VOPP1: variants seen among roughly 807,000 people sequenced by gnomAD.
VOPP1 encodes the protein WW domain binding protein VOPP1.
VOPP1 carries 8 observed loss-of-function variants against 23.5 expected under a neutral mutation model. The ratio of observed to expected loss-of-function variants is 0.34; its 90% confidence interval spans 0.20 to 0.61. VOPP1 has a LOEUF of 0.61. Among genes scored for constraint, VOPP1 ranks in the 20% least tolerant of loss-of-function variants. The probability of loss-of-function intolerance (pLI) is 0.78; values close to 1 mark genes in which losing one functional copy is unlikely to be tolerated. For missense variants in VOPP1, 174 were observed against 238.1 expected (o/e 0.73, Z 1.77); for synonymous variants, 83 against 97.3 (o/e 0.85, Z 0.86).
chr7:55,463,039 T>C (rs1268676927), intron 4 of VOPP1, among the ~76,000 whole-genome samples: 2 of 152,210 alleles, frequency 1.3e-5, no homozygotes, highest in Non-Finnish European at 2.9e-5. Context: ...CTGATTTCTC[T>C]GTATTATTAT....
chr7:55,564,408 A>C (rs1798095498), intron 1 of VOPP1, among the ~76,000 whole-genome samples: 1 of 152,070 alleles, frequency 6.6e-6, no homozygotes, highest in Non-Finnish European at 1.5e-5. Context: ...AGGCCAACTA[A>C]AGAGCTAAAG....
intron 4 of VOPP1, among the ~76,000 whole-genome samples, chr7:55,478,059 G>C (rs942034775): frequency 6.6e-6 from 1 of 152,208 alleles, no homozygotes; most frequent in Non-Finnish European, 1.5e-5. Flanking sequence ...GCAACCGAGA[G>C]AAGGTGGACC....
intron 4 of VOPP1, among the ~76,000 whole-genome samples, chr7:55,448,130 T>C (rs141791757): frequency 1.8e-4 from 28 of 152,300 alleles, no homozygotes; most frequent in African/African-American, 6.0e-4. Flanking sequence ...CCCTAAAATA[T>C]GTACATATAC....
chr7:55,464,612 G>C (rs192281321), intron 4 of VOPP1, among the ~76,000 whole-genome samples: 1 of 152,188 alleles, frequency 6.6e-6, no homozygotes, highest in African/African-American at 2.4e-5. Flanking sequence ...CTGCAGCATA[G>C]AATACTGTAT....
Position 55,501,934 on chromosome 7 carries a change from C to T in VOPP1, c.114-4244G>A, listed in dbSNP as rs561512018. ...AACAGCTCTTATATCTGTGCTCTAG[C>T]TCTGAGCACAGCCAATGCTTAAGAG... On this transcript the variant is annotated intron_variant, in intron 2 of 4. Transcript: ENST00000285279. Among the ~76,000 whole-genome samples the T allele has an allele frequency of 9.2e-5, 14 of 152,350 alleles. No homozygotes were observed. The South Asian group carries it at 2.9e-3, about 32-fold the overall frequency.
intron 4 of VOPP1, 100 bp downstream of exon 4, chr7:55,492,182 G>A (rs62457893): frequency 0.18 from 257,165 of 1,425,330 alleles, 24,278 homozygotes; most frequent in Middle Eastern, 0.23. Flanking sequence ...ACACCTGAGC[G>A]CTCTCTTCTG....
At chr7:55,462,983 A>C (rs1203715689) in intron 4 of VOPP1, among the ~76,000 whole-genome samples, 1 of 152,012 alleles carries the variant, frequency 6.6e-6, no homozygotes, top group African/African-American at 2.4e-5. Context: ...TTTCTTTATG[A>C]TATCTATCTC....
chr7:55,525,806 A>C (rs1796156649), intron 1 of VOPP1, among the ~76,000 whole-genome samples: 1 of 151,892 alleles, frequency 6.6e-6, no homozygotes, highest in Non-Finnish European at 1.5e-5. Context: ...AAAAAAAAAA[A>C]AAAAAAAAAA....
At chr7:55,446,195 A>C (rs815948) in intron 4 of VOPP1, among the ~76,000 whole-genome samples, 3 of 151,766 alleles carry the variant, frequency 2.0e-5, no homozygotes, top group Non-Finnish European at 4.4e-5. Context: ...GGGTTTCACC[A>C]TGTTAGCCAG....
At chr7:55,527,664 A>T (rs1796267198) in intron 1 of VOPP1, among the ~76,000 whole-genome samples, 1 of 152,212 alleles carries the variant, frequency 6.6e-6, no homozygotes, top group South Asian at 2.1e-4. Context: ...ATTAATCAGT[A>T]ACCAAACTTA....
chr7:55,457,545 C>T (rs117193152), intron 4 of VOPP1, among the ~76,000 whole-genome samples: 1,828 of 152,070 alleles, frequency 0.012, 13 homozygotes, highest in Admixed American at 0.021. Flanking sequence ...ATACTGTTTT[C>T]CATAATGACT....
chr7:55,456,587 G>C lies in VOPP1; in HGVS notation n.418-20413C>G, dbSNP rs916938379. 2.0e-5 allele frequency among the ~76,000 whole-genome samples: 3 copies of C among 152,134 alleles called. No homozygotes were observed. The East Asian group carries it at 5.8e-4, about 29-fold the overall frequency. ...TGGTAGACTGGATAAAGAAAATGTGGCACATATACACCATGTAATACTATG... is the reference window on the plus strand; with the variant it reads ...TGGTAGACTGGATAAAGAAAATGTGCCACATATACACCATGTAATACTATG... On this transcript the variant is annotated intron_variant and non_coding_transcript_variant, in intron 4 of 4. Transcript: ENST00000462326.
At chr7:55,499,615 G>C (rs993484642) in intron 2 of VOPP1, among the ~76,000 whole-genome samples, 5 of 152,208 alleles carry the variant, frequency 3.3e-5, no homozygotes, top group Admixed American at 1.3e-4. Context: ...AAATGGAGCC[G>C]GCACCGGCAG....
At chr7:55,489,034 G>C (rs1435190743) in intron 4 of VOPP1, among the ~76,000 whole-genome samples, 1 of 152,254 alleles carries the variant, frequency 6.6e-6, no homozygotes, top group Admixed American at 6.5e-5. Context: ...AGCTGCAGCA[G>C]GGTGAAGCCA....
intron 2 of VOPP1, among the ~76,000 whole-genome samples, chr7:55,516,917 T>C (rs58996941): frequency 1.1e-3 from 37 of 33,868 alleles, no homozygotes; most frequent in African/African-American, 4.9e-3. Flanking sequence ...TATATATATA[T>C]ATATATATAT....
intron 1 of VOPP1, among the ~76,000 whole-genome samples, chr7:55,546,699 T>C (rs1797379324): frequency 1.3e-5 from 2 of 152,194 alleles, no homozygotes; most frequent in Non-Finnish European, 1.5e-5. Flanking sequence ...TACAAATATA[T>C]TGTGCTCCCC....
At chr7:55,473,911 T>G (rs1316819711) in intron 4 of VOPP1, among the ~76,000 whole-genome samples, 1 of 150,884 alleles carries the variant, frequency 6.6e-6, no homozygotes, top group East Asian at 1.9e-4. Flanking sequence ...TGTGTAGGGT[T>G]TTTTTTCTTT....
chr7:55,506,455 C>T (rs1794729917), intron 2 of VOPP1, among the ~76,000 whole-genome samples: 1 of 152,230 alleles, frequency 6.6e-6, no homozygotes, highest in Non-Finnish European at 1.5e-5. Context: ...CCTGCCTCAG[C>T]CTCTCGAGAA....
At chr7:55,522,212 G>A (rs1022911722) in intron 1 of VOPP1, among the ~76,000 whole-genome samples, 3 of 152,210 alleles carry the variant, frequency 2.0e-5, no homozygotes, top group African/African-American at 7.2e-5. Context: ...CTGGAATGGA[G>A]TTAGAGACAG....
Sources: allele counts gnomAD v4.1 joint callset (sites outside exome capture counted in the v4.1 genomes callset), GRCh38; gene constraint gnomAD v4.1.1; transcripts MANE v1.5; gene names NCBI Gene and HGNC (gene_info 2026-07-23, HGNC 2026-07-21).